ARHGAP20: variants seen among roughly 807,000 people sequenced by gnomAD.
ARHGAP20 encodes rho GTPase-activating protein 20.
A neutral mutation model predicts 73.7 loss-of-function variants in ARHGAP20; 34 were observed. The observed-to-expected ratio is 0.46, with a 90% CI of 0.35 to 0.61. The LOEUF (loss-of-function observed/expected upper bound fraction) is 0.61, where lower values mean the gene tolerates loss of function less well. Ranked by LOEUF, ARHGAP20 falls within the 20% of genes least tolerant of loss-of-function variation. The pLI, the probability that ARHGAP20 is intolerant of heterozygous loss-of-function variation, is 0.00. For missense variants in ARHGAP20, 1,314 were observed against 1,420.9 expected, an observed-to-expected ratio of 0.92 and a Z score of 1.21; for synonymous variants, 523 against 518.2, an observed-to-expected ratio of 1.01 and a Z score of -0.13.
At chr11:110,609,155 A>AC in intron 7 of ARHGAP20, 105 bp from the exon 8 acceptor site, 1 of 902,646 alleles carries the variant, frequency 1.1e-6, no homozygotes, top group Admixed American at 2.0e-5. Flanking sequence ...CCTGCCCCCT[A>AC]CCCAGTGATA....
chr11:110,604,666 CA>C (rs1440481257), intron 9 of ARHGAP20, among the ~76,000 whole-genome samples: 3 of 152,076 alleles, frequency 2.0e-5, no homozygotes, highest in Non-Finnish European at 4.4e-5. Context: ...GTTCCCCTTT[CA>C]AAATTACCCA....
intron 3 of ARHGAP20, 84 bp downstream of exon 3, chr11:110,630,544 A>T: frequency 7.4e-7 from 1 of 1,348,864 alleles, no homozygotes; most frequent in Non-Finnish European, 1.0e-6. Context: ...AGACATTCTT[A>T]CAGTAAGCAT....
intron 2 of ARHGAP20, among the ~76,000 whole-genome samples, chr11:110,657,686 G>C (rs1039361343): frequency 3.3e-5 from 5 of 152,070 alleles, no homozygotes; most frequent in Admixed American, 3.3e-4. Flanking sequence ...CCTTAGGCCA[G>C]GAGTTCGAGA....
chr11:110,606,710 C>T lies in ARHGAP20; in HGVS notation c.815G>A (p.Arg272Gln), dbSNP rs1170894564. 3 of 1,582,110 alleles carry T rather than the reference C, an allele frequency of 1.9e-6. No homozygotes were observed. The highest frequency in any genetic ancestry group is 4.5e-5 in the East Asian group (2 of 44,216). ...YPYGIKMSHL[R>Q]DSALLTPGSK... ...TCCCGGTGTCAGGAGTGCAGAGTCT[C>T]GAAGATGGCTCATTTTAATTCCATA... Residue 272 changes from arginine (R) to glutamine (Q), a missense_variant, in exon 9 of 15, where the codon CGA becomes CAA. By Grantham distance (43) the Arg-to-Gln change is conservative (BLOSUM62 1). This residue lies in a region of ARHGAP20 where 443 missense variants were observed against 466.4 expected (regional missense o/e 0.95). Coordinates refer to ENST00000683387, the MANE Select transcript of ARHGAP20 (RefSeq NM_001384657.1).
intron 1 of ARHGAP20, among the ~76,000 whole-genome samples, chr11:110,693,601 C>T (rs1176645178): frequency 6.6e-6 from 1 of 151,894 alleles, no homozygotes; most frequent in Non-Finnish European, 1.5e-5. Flanking sequence ...ATTCAAAATA[C>T]ACTTATCTCT....
intron 11 of ARHGAP20, chr11:110,589,414 G>A (rs1591298928): frequency 1.0e-6 from 1 of 985,310 alleles, no homozygotes; most frequent in South Asian, 4.7e-5. Context: ...GTAACATTCT[G>A]TAAGCACCTG....
intron 1 of ARHGAP20, among the ~76,000 whole-genome samples, chr11:110,701,160 G>A (rs1009621014): frequency 1.3e-4 from 20 of 151,670 alleles, no homozygotes; most frequent in East Asian, 3.9e-4. Context: ...CTGAGGAATC[G>A]CCACACTGAC....
chr11:110,590,568 A>G (rs1947799924), intron 11 of ARHGAP20, 80 bp downstream of exon 11: 1 of 1,371,750 alleles, frequency 7.3e-7, no homozygotes, highest in Non-Finnish European at 9.8e-7. Flanking sequence ...AAATAGAAAT[A>G]ATGTTCATAA....
chr11:110,662,468 C>T (rs566498638), intron 2 of ARHGAP20, among the ~76,000 whole-genome samples: 29 of 151,772 alleles, frequency 1.9e-4, no homozygotes, highest in Non-Finnish European at 3.5e-4. Context: ...TAGGATATAC[C>T]GTAAAGATAG....
chr11:110,708,268 T>C (rs1245840672), intron 1 of ARHGAP20, among the ~76,000 whole-genome samples: 3 of 152,002 alleles, frequency 2.0e-5, no homozygotes, highest in Admixed American at 6.6e-5. Flanking sequence ...CTGGTGAAAA[T>C]TTGGAGTAGG....
chr11:110,671,598 G>GA (rs1178408952), intron 2 of ARHGAP20, among the ~76,000 whole-genome samples: 1 of 151,990 alleles, frequency 6.6e-6, no homozygotes, highest in East Asian at 1.9e-4. Context: ...AGAATATCCT[G>GA]AAAAATCTAC....
At position 110,577,674 on chromosome 11, in the gene ARHGAP20, G is replaced by T; in HGVS notation, c.*1696C>A. On this transcript the variant is annotated 3_prime_UTR_variant, in exon 15 of 15. Coordinates refer to ENST00000683387, the MANE Select transcript of ARHGAP20 (RefSeq NM_001384657.1). ...GACTGGTTAGTTATAAAGTGAAATC[G>T]ACTTCACATCTGTGACTCAGATGGC... 1 of 985,762 alleles carries T rather than the reference G, an allele frequency of 1.0e-6. No homozygotes were observed. The highest frequency in any genetic ancestry group is 1.2e-6 in the Non-Finnish European group (1 of 829,886). 61.1% of individuals were successfully genotyped at this position (985,762 alleles called of 1,614,324 possible).
rs759898941 is a variant in ARHGAP20, at chr11:110,586,239, T to C, written c.1392A>G (p.Glu464=). The C allele has an allele frequency of 1.3e-6, 2 of 1,547,038 alleles. No homozygotes were observed. Among genetic ancestry groups the C allele is most frequent in the Non-Finnish European group, 1.7e-6 (2 of 1,144,884 alleles). Residue 464 remains glutamate (E), a synonymous_variant, in exon 12 of 15, where the codon GAA becomes GAG. Coordinates refer to ENST00000683387, the MANE Select transcript of ARHGAP20 (RefSeq NM_001384657.1). ...ACCTTTGAACAGTATTTATTTTCTC[T>C]TCATCATTTCCTTGATCCATTACAG... ...WVSVMDQGND[E]EKINTVQRLL... is the part of the protein sequence containing the mutation.
intron 2 of ARHGAP20, among the ~76,000 whole-genome samples, chr11:110,642,184 C>G (rs1004408931): frequency 6.6e-6 from 1 of 152,058 alleles, no homozygotes; most frequent in East Asian, 1.9e-4. Flanking sequence ...GTTCTAAGAG[C>G]CTTTTGGCGA....
intron 2 of ARHGAP20, among the ~76,000 whole-genome samples, chr11:110,637,016 T>C (rs1948982218): frequency 6.6e-6 from 1 of 152,064 alleles, no homozygotes; most frequent in African/African-American, 2.4e-5. Flanking sequence ...CACCTGTTGC[T>C]TGCTTTTTAT....
intron 8 of ARHGAP20, among the ~76,000 whole-genome samples, chr11:110,607,397 C>T (rs779384163): frequency 6.6e-6 from 1 of 152,100 alleles, no homozygotes; most frequent in African/African-American, 2.4e-5. Flanking sequence ...GAAACAGATG[C>T]AAAAACGAAT....
intron 11 of ARHGAP20, chr11:110,589,695 C>A: frequency 1.0e-6 from 1 of 985,324 alleles, no homozygotes. Flanking sequence ...CATTTTAGAA[C>A]TCTCTATCTC....
chr11:110,585,792 C>T (rs550869264), intron 12 of ARHGAP20, among the ~76,000 whole-genome samples: 2 of 152,130 alleles, frequency 1.3e-5, no homozygotes, highest in African/African-American at 2.4e-5. Context: ...TCTTCTAGCA[C>T]TGATTGTACT....
intron 14 of ARHGAP20, 119 bp from the exon 15 acceptor site, chr11:110,581,344 A>G: frequency 4.5e-6 from 5 of 1,106,452 alleles, no homozygotes; most frequent in Non-Finnish European, 6.2e-6. Flanking sequence ...CAAGAAAGAG[A>G]GAATCTTTCA....
Sources: allele counts gnomAD v4.1 joint callset (sites outside exome capture counted in the v4.1 genomes callset), GRCh38; gene constraint gnomAD v4.1.1; regional missense constraint gnomAD v4.1.1; transcripts MANE v1.5; gene names NCBI Gene and HGNC (gene_info 2026-07-23, HGNC 2026-07-21).